The following GALNT9 variants were observed in gnomAD, a reference collection of about 807,000 sequenced individuals.
The protein encoded by GALNT9 is GalNAc transferase 9.
Under a neutral mutation model 63.1 loss-of-function variants are expected in GALNT9, and 47 were observed. That is an observed-to-expected ratio of 0.75 (90% confidence interval 0.59 to 0.95). The LOEUF is 0.95. GALNT9 is among the 40% of genes least tolerant of loss of function. The pLI is 0.00. For missense variants in GALNT9, 829 were observed against 874.8 expected, an observed-to-expected ratio of 0.95 and a Z score of 0.66; for synonymous variants, 396 against 365.7, an observed-to-expected ratio of 1.08 and a Z score of -0.94.
At chr12:132,313,150 C>T (rs1247427272) in intron 1 of GALNT9, among the ~76,000 whole-genome samples, 1 of 147,534 alleles carries the variant, frequency 6.8e-6, no homozygotes, top group Non-Finnish European at 1.5e-5. Flanking sequence ...CCTACCTACC[C>T]ACTCACCCAC....
intron 1 of GALNT9, among the ~76,000 whole-genome samples, chr12:132,290,120 G>T (rs535379393): frequency 6.6e-6 from 1 of 152,030 alleles, no homozygotes; most frequent in Non-Finnish European, 1.5e-5. Context: ...CTTCATCAGG[G>T]GTGCCAATTT....
chr12:132,256,672 AG>A (rs1330719353), intron 5 of GALNT9, among the ~76,000 whole-genome samples: 1 of 25,440 alleles, frequency 3.9e-5, no homozygotes, highest in Non-Finnish European at 7.2e-5. Flanking sequence ...GGGACGCTGG[AG>A]GGGGGACACT....
intron 2 of GALNT9, among the ~76,000 whole-genome samples, chr12:132,263,552 C>G (rs781854431): frequency 3.9e-5 from 6 of 152,116 alleles, no homozygotes; most frequent in Non-Finnish European, 7.4e-5. Flanking sequence ...CAAGTCCTGT[C>G]CCATGGGGTG....
At chr12:132,206,093 G>A (rs1307514834) in intron 6 of GALNT9, 1 of 152,422 alleles carries the variant, frequency 6.6e-6, no homozygotes, top group Non-Finnish European at 1.5e-5. Context: ...CCAGTACAGA[G>A]GCCACGGTGA....
chr12:132,224,750 T>TAA, intron 6 of GALNT9, among the ~76,000 whole-genome samples: 1 of 45,636 alleles, frequency 2.2e-5, no homozygotes, highest in East Asian at 7.7e-4. Flanking sequence ...CCCACACCCC[T>TAA]CCCACACCCC....
chr12:132,256,030 C>A (rs1398175928), intron 5 of GALNT9, among the ~76,000 whole-genome samples: 4 of 152,184 alleles, frequency 2.6e-5, no homozygotes, highest in Non-Finnish European at 5.9e-5. Flanking sequence ...AACCACCGCA[C>A]CTGCCTTAAT....
chr12:132,227,037 C>T (rs1403565555), intron 6 of GALNT9, among the ~76,000 whole-genome samples: 1 of 146,694 alleles, frequency 6.8e-6, no homozygotes, highest in Non-Finnish European at 1.5e-5. Context: ...CACACACACA[C>T]CCACACCCAC....
chr12:132,222,763 A>G (rs1236873283), intron 6 of GALNT9, among the ~76,000 whole-genome samples: 3 of 151,744 alleles, frequency 2.0e-5, no homozygotes. Flanking sequence ...CCGCTTTCTC[A>G]TGAACGACTG....
intron 9 of GALNT9, among the ~76,000 whole-genome samples, 158 bp from the exon 10 acceptor site, chr12:132,198,117 C>T (rs2135495223): frequency 6.6e-6 from 1 of 152,378 alleles, no homozygotes; most frequent in African/African-American, 2.4e-5. Context: ...CGGGAGAGGA[C>T]CGCCGGGCAG....
chr12:132,210,146 G>T (rs1876890638), intron 6 of GALNT9, among the ~76,000 whole-genome samples: 1 of 152,220 alleles, frequency 6.6e-6, no homozygotes, highest in Non-Finnish European at 1.5e-5. Flanking sequence ...CTCCAGAGAT[G>T]GGTGGGTCCC....
intron 6 of GALNT9, among the ~76,000 whole-genome samples, chr12:132,207,294 C>T (rs113526075): frequency 0.042 from 6,470 of 152,314 alleles, 170 homozygotes; most frequent in Middle Eastern, 0.099. Context: ...CTCACAGCTG[C>T]CTCCCAGTGC....
chr12:132,281,742 GAACCCTCAAAAGGAGAGC>G (rs1251690847), intron 2 of GALNT9, among the ~76,000 whole-genome samples: 26 of 152,298 alleles, frequency 1.7e-4, no homozygotes, highest in Admixed American at 4.6e-4. Context: ...GCAGGATGCT[GAACCCTCAAAAGGAGAGC>G]AAGAGCCCCC....
rs79973944 is a variant in GALNT9 at position 132,306,797 on chromosome 12, A to C, written c.239-20367T>G. ...CATTCATCATCACTGCGGTAATGGA[A>C]AAGATGGCTCACTTCCGCGCACACC... On this transcript the variant is annotated intron_variant, in intron 1 of 10. Transcript: ENST00000328957. Among the ~76,000 whole-genome samples, 1,128 of 152,326 alleles carry C rather than the reference A, an allele frequency of 7.4e-3. 15 individuals are homozygous for C. Among genetic ancestry groups the C allele is most frequent in the African/African-American group, 0.026 (1,062 of 41,576 alleles).
intron 6 of GALNT9, among the ~76,000 whole-genome samples, chr12:132,207,026 C>T (rs116196563): frequency 0.015 from 2,226 of 152,314 alleles, 43 homozygotes; most frequent in African/African-American, 0.05. Context: ...GATCACGTAA[C>T]GCTCTCCAAC....
In GALNT9 at chr12:132,246,742, A is replaced by G. The variant is rs1555238025; in HGVS notation, c.1077+1168T>C. 6.6e-6 allele frequency among the ~76,000 whole-genome samples: 1 copy of G among 152,222 alleles called. No homozygotes were observed. Among genetic ancestry groups the G allele is most frequent in the South Asian group, 2.1e-4 (1 of 4,834 alleles). Reference sequence around the variant, plus strand: ...GAGGCAGGGTTTTACCATACTGGTCAGGCTGGTCTCGAACTTCTGACCTCA... The same window carrying G: ...GAGGCAGGGTTTTACCATACTGGTCGGGCTGGTCTCGAACTTCTGACCTCA... On this transcript the variant is annotated intron_variant, in intron 6 of 10. Transcript: ENST00000328957. The surrounding 1 kb of genome is among the most constrained non-coding windows in gnomAD (Gnocchi z 4.7).
At chr12:132,225,658 CCA>C (rs1305378895) in intron 6 of GALNT9, among the ~76,000 whole-genome samples, 4 of 149,412 alleles carry the variant, frequency 2.7e-5, no homozygotes, top group East Asian at 2.0e-4. Flanking sequence ...TATACACACC[CCA>C]CACACACACT....
intron 1 of GALNT9, among the ~76,000 whole-genome samples, chr12:132,294,793 A>G (rs1355145975): frequency 6.6e-6 from 1 of 150,500 alleles, no homozygotes; most frequent in African/African-American, 2.5e-5. Flanking sequence ...ATCTGTTAAT[A>G]GCTCTGAAAA....
intron 1 of GALNT9, among the ~76,000 whole-genome samples, chr12:132,323,888 C>T (rs1009592373): frequency 3.3e-5 from 5 of 152,350 alleles, no homozygotes; most frequent in African/African-American, 4.8e-5. Context: ...CGAGACCTGC[C>T]GGGGCCGGGA....
At chr12:132,226,446 C>G (rs893200123) in intron 6 of GALNT9, among the ~76,000 whole-genome samples, 427 of 147,012 alleles carry the variant, frequency 2.9e-3, no homozygotes, top group Non-Finnish European at 4.5e-3. Context: ...AGACATATCC[C>G]ACACACATAC....
Sources: gnomAD v4.1 joint callset for allele counts (sites outside exome capture counted in the v4.1 genomes callset) on GRCh38, gnomAD v4.1.1 for gene constraint, Gnocchi (gnomAD v3.1) non-coding constraint, MANE v1.5 for transcripts, NCBI Gene and HGNC (gene_info 2026-07-23, HGNC 2026-07-21) for gene names.